The following STK31 variants were observed in gnomAD, a reference collection of about 807,000 sequenced individuals.
STK31 encodes serine/threonine kinase 31.
Under a neutral mutation model 129.7 loss-of-function variants are expected in STK31, and 89 were observed. The ratio of observed to expected loss-of-function variants is 0.69; its 90% CI spans 0.58 to 0.82. The LOEUF (loss-of-function observed/expected upper bound fraction) is 0.82, where lower values mean the gene tolerates loss of function less well. STK31 is among the 40% of genes least tolerant of loss of function. The probability of loss-of-function intolerance (pLI) is 0.00; values close to 1 mark genes in which losing one functional copy is unlikely to be tolerated. For missense variants in STK31, 1,187 were observed against 1,176.4 expected (o/e 1.01, Z -0.13); for synonymous variants, 448 against 395.3 (o/e 1.13, Z -1.58).
chr7:23,789,050 G>A (rs1791465321), intron 21 of STK31, among the ~76,000 whole-genome samples: 1 of 152,118 alleles, frequency 6.6e-6, no homozygotes, highest in South Asian at 2.1e-4. Context: ...TAAATGGAAT[G>A]ATACAATATG....
intron 22 of STK31, among the ~76,000 whole-genome samples, chr7:23,808,712 C>A (rs1193240861): frequency 6.6e-6 from 1 of 152,072 alleles, no homozygotes; most frequent in Non-Finnish European, 1.5e-5. Context: ...TCATGGATAC[C>A]ATGCTAGTGG....
At position 23,819,859 on chromosome 7, in the gene STK31, A is replaced by G. The variant is rs575974493; in HGVS notation, c.2829+4647A>G. On this transcript the variant is annotated intron_variant, in intron 23 of 23. Transcript: ENST00000355870. ...GTCCTTTGAAATGGAGGGATATAAT[A>G]AATTCTAGCTCCCATAATGATGGTG... Among the ~76,000 whole-genome samples, 4 of 152,308 alleles carry G rather than the reference A, an allele frequency of 2.6e-5. No homozygotes were observed. In the South Asian group the frequency reaches 8.3e-4, roughly 32 times the overall value.
At chr7:23,808,943 TTGTGTGTG>T (rs1554297249) in intron 22 of STK31, among the ~76,000 whole-genome samples, 3 of 84,436 alleles carry the variant, frequency 3.6e-5, no homozygotes, top group East Asian at 3.3e-4. Flanking sequence ...CTTGGAGCTT[TTGTGTGTG>T]TGTGTGTGTG....
At chr7:23,813,807 C>T (rs749633431) in intron 22 of STK31, among the ~76,000 whole-genome samples, 22 of 152,010 alleles carry the variant, frequency 1.4e-4, no homozygotes, top group Non-Finnish European at 2.6e-4. Context: ...TTCCTATGAC[C>T]GATGCAGAAT....
At chr7:23,719,528 T>G (rs1362755835) in intron 4 of STK31, among the ~76,000 whole-genome samples, 1 of 152,036 alleles carries the variant, frequency 6.6e-6, no homozygotes, top group Non-Finnish European at 1.5e-5. Context: ...TAAAGCAACA[T>G]TTAACTCAAA....
chr7:23,758,138 A>G (rs970302310), intron 10 of STK31, among the ~76,000 whole-genome samples: 6 of 152,178 alleles, frequency 3.9e-5, no homozygotes, highest in African/African-American at 1.4e-4. Flanking sequence ...TTCTTTCTGC[A>G]TTGACACAGT....
At chr7:23,733,108 G>A (rs1787525567) in intron 6 of STK31, among the ~76,000 whole-genome samples, 1 of 152,020 alleles carries the variant, frequency 6.6e-6, no homozygotes, top group East Asian at 1.9e-4. Context: ...TTGATATAAT[G>A]TGTGTATTTC....
intron 22 of STK31, among the ~76,000 whole-genome samples, chr7:23,806,832 G>T (rs530342862): frequency 6.6e-6 from 1 of 150,628 alleles, no homozygotes; most frequent in African/African-American, 2.4e-5. Flanking sequence ...CCCGGGAGGC[G>T]GAGCTTGCAG....
At chr7:23,773,176 T>G (rs1323683951) in intron 15 of STK31, among the ~76,000 whole-genome samples, 6 of 152,140 alleles carry the variant, frequency 3.9e-5, no homozygotes, top group Non-Finnish European at 8.8e-5. Flanking sequence ...GTATTTCTCC[T>G]AATGCTATTC....
chr7:23,751,692 A>G (rs931068665), intron 8 of STK31, among the ~76,000 whole-genome samples: 2 of 152,120 alleles, frequency 1.3e-5, no homozygotes, highest in African/African-American at 4.8e-5. Flanking sequence ...TGTCTGTTTT[A>G]TTCCCTTTTG....
At chr7:23,727,629 C>A in intron 5 of STK31, 1 of 219,374 alleles carries the variant, frequency 4.6e-6, no homozygotes, top group Non-Finnish European at 7.9e-6. Flanking sequence ...GTGGTACGAT[C>A]TTGGCTCACT....
intron 22 of STK31, chr7:23,811,592 G>C (rs560561623): frequency 5.6e-4 from 104 of 184,632 alleles, no homozygotes; most frequent in African/African-American, 2.3e-3. Context: ...CCTGTTTGCA[G>C]TATCTCAGAT....
chr7:23,822,849 C>T (rs987646866), intron 23 of STK31, among the ~76,000 whole-genome samples: 7 of 152,142 alleles, frequency 4.6e-5, no homozygotes, highest in African/African-American at 1.2e-4. Context: ...ATGTGGTGTT[C>T]GGTTTTTTGT....
At chr7:23,761,580 C>G (rs990989498) in intron 10 of STK31, among the ~76,000 whole-genome samples, 2 of 151,898 alleles carry the variant, frequency 1.3e-5, no homozygotes, top group African/African-American at 4.8e-5. Context: ...GCCACTCTGC[C>G]CAGCTAATTT....
intron 13 of STK31, among the ~76,000 whole-genome samples, chr7:23,770,358 A>T (rs1438143713): frequency 6.6e-6 from 1 of 151,988 alleles, no homozygotes; most frequent in Non-Finnish European, 1.5e-5. Flanking sequence ...TACTTTTTAT[A>T]ATTTTACTCA....
intron 23 of STK31, among the ~76,000 whole-genome samples, chr7:23,827,822 C>G (rs1238308820): frequency 6.6e-6 from 1 of 152,172 alleles, no homozygotes; most frequent in Non-Finnish European, 1.5e-5. Flanking sequence ...AGTCAGGACC[C>G]TCTGCTGCAG....
Position 23,806,628 on chromosome 7 carries a change from C to A in STK31, c.2761-8516C>A, listed in dbSNP as rs530342300. Among the ~76,000 whole-genome samples the A allele has an allele frequency of 4.6e-5, 7 of 152,182 alleles. 1 individual carries two copies. The East Asian group carries it at 1.4e-3, about 29-fold the overall frequency. On this transcript the variant is annotated intron_variant, in intron 22 of 23. Transcript: ENST00000355870. Reference sequence around the variant, plus strand: ...TAAGAGATACAGGTTGGGCCGGGCGCGGTGGCTCACGCCAGTAATCCCAGC... The same window carrying A: ...TAAGAGATACAGGTTGGGCCGGGCGAGGTGGCTCACGCCAGTAATCCCAGC...
At chr7:23,825,316 C>T (rs377518738) in intron 23 of STK31, among the ~76,000 whole-genome samples, 2 of 152,040 alleles carry the variant, frequency 1.3e-5, no homozygotes, top group Admixed American at 6.6e-5. Flanking sequence ...TTCTTCCTGG[C>T]TTAGTCTTGG....
chr7:23,712,015 T>A, intron 1 of STK31, 84 bp from the exon 2 acceptor site: 1 of 1,158,852 alleles, frequency 8.6e-7, no homozygotes, highest in African/African-American at 1.6e-5. Context: ...ACAAAACATT[T>A]GTAAGAATTG....
Sources: gnomAD v4.1 joint callset for allele counts (sites outside exome capture counted in the v4.1 genomes callset) on GRCh38, gnomAD v4.1.1 for gene constraint, MANE v1.5 for transcripts, NCBI Gene and HGNC (gene_info 2026-07-23, HGNC 2026-07-21) for gene names.